SUPT16H: variants seen among roughly 807,000 people sequenced by gnomAD.
SUPT16H encodes FACT complex subunit SPT16.
SUPT16H carries 24 observed loss-of-function variants against 136.2 expected under a neutral mutation model. The ratio of observed to expected loss-of-function variants is 0.18; its 90% CI spans 0.13 to 0.25. The LOEUF (loss-of-function observed/expected upper bound fraction) is 0.25, where lower values mean the gene tolerates loss of function less well. Among genes scored for constraint, SUPT16H ranks in the 10% least tolerant of loss-of-function variants. The pLI is 1.00. For missense variants in SUPT16H, 623 were observed against 1,270.2 expected, an observed-to-expected ratio of 0.49 and a Z score of 7.74; for synonymous variants, 415 against 428.2, an observed-to-expected ratio of 0.97 and a Z score of 0.38.
chr14:21,369,387 TACTAGAGGGTAG>T (rs773843579), intron 5 of SUPT16H, 32 bp from the exon 6 acceptor site: 64 of 1,613,368 alleles, frequency 4.0e-5, no homozygotes, highest in Non-Finnish European at 5.2e-5. Context: ...AAGTAACACT[TACTAGAGGGTAG>T]CAAAGCGGGG....
Position 21,361,473 on chromosome 14 carries a change from T to C in SUPT16H, c.1794-260A>G, listed in dbSNP as rs902665270. The C allele has an allele frequency of 3.1e-5, 15 of 491,644 alleles. No individual in the cohort carries two copies. In the Admixed American group the frequency reaches 3.9e-4, roughly 13 times the overall value. 30.5% of individuals were successfully genotyped at this position (491,644 alleles called of 1,614,324 possible). ...CTGGGATTACAGGTACACACCACCA[T>C]GCCCGGCTAGTTTTTGTATTTTTAG... On this transcript the variant is annotated intron_variant, in intron 15 of 25. Transcript: ENST00000216297.
At chr14:21,359,163 T>C (rs1280091410) in intron 19 of SUPT16H, among the ~76,000 whole-genome samples, 1 of 151,832 alleles carries the variant, frequency 6.6e-6, no homozygotes, top group Non-Finnish European at 1.5e-5. Context: ...AGTGGCGCTA[T>C]CTCAGCTCAC....
intron 4 of SUPT16H, 71 bp from the exon 5 acceptor site, chr14:21,369,967 T>G (rs1886751187): frequency 1.3e-6 from 2 of 1,540,232 alleles, no homozygotes; most frequent in African/African-American, 2.7e-5. Context: ...CTCTCCAATT[T>G]GAATATTACC....
chr14:21,357,385 A>G lies in SUPT16H; in HGVS notation c.2491-19T>C, dbSNP rs200840762. Reference sequence around the variant, plus strand: ...AAGGTGGCTGTCAGGGAGAAACTGAATCATTAGCATATAAGTATTTCCCCC... The same window carrying G: ...AAGGTGGCTGTCAGGGAGAAACTGAGTCATTAGCATATAAGTATTTCCCCC... On this transcript the variant is annotated intron_variant, in intron 21 of 25. Coordinates refer to ENST00000216297, the MANE Select transcript of SUPT16H (RefSeq NM_007192.4). 204 of 1,557,632 alleles carry G rather than the reference A, an allele frequency of 1.3e-4. 2 individuals carry two copies. Among genetic ancestry groups the G allele is most frequent in the Middle Eastern group, 1.7e-4 (1 of 5,790 alleles).
rs1201352548 is a variant in SUPT16H, at chr14:21,369,355, T to C, written c.631A>G (p.Lys211Glu). Residue 211 changes from lysine (K) to glutamate (E), a missense_variant and splice_region_variant, in exon 6 of 26, where the codon AAA becomes GAA. This residue lies in a region of SUPT16H where 343 missense variants were observed against 525.7 expected (regional missense o/e 0.65). Transcript: ENST00000216297. ...RVMEIVDADE[K>E]VRHSKLAESV... ...TCAGCCAGTTTGCTGTGTCGAACTT[T>C]CTGTAAGAGCATCCAGAAATAAAGT... 1.2e-6 allele frequency: 2 copies of C among 1,613,964 alleles called. No homozygotes were observed. Among genetic ancestry groups the C allele is most frequent in the African/African-American group, 1.3e-5 (1 of 74,910 alleles).
chr14:21,356,569 C>T (rs148650457), intron 22 of SUPT16H, among the ~76,000 whole-genome samples: 63 of 152,022 alleles, frequency 4.1e-4, no homozygotes, highest in African/African-American at 1.4e-3. Flanking sequence ...CCTAGAATAA[C>T]CTCATCTCTA....
At chr14:21,374,273 A>G (rs1886852236) in intron 1 of SUPT16H, among the ~76,000 whole-genome samples, 2 of 152,264 alleles carry the variant, frequency 1.3e-5, no homozygotes, top group African/African-American at 4.8e-5. Context: ...ACTGGAAGCC[A>G]TGGTAGTTTT....
chr14:21,373,035 C>G (rs1189200278), intron 2 of SUPT16H, among the ~76,000 whole-genome samples: 1 of 152,154 alleles, frequency 6.6e-6, no homozygotes, highest in East Asian at 1.9e-4. Flanking sequence ...CCTCTACCTC[C>G]TGGGGTCATG....
intron 1 of SUPT16H, among the ~76,000 whole-genome samples, chr14:21,381,641 G>A (rs575233073): frequency 2.0e-5 from 3 of 151,286 alleles, no homozygotes; most frequent in South Asian, 2.1e-4. Context: ...TTTTAAAGAC[G>A]GGGTCTCATC....
chr14:21,371,851 A>T (rs545558779), intron 3 of SUPT16H, 23 bp downstream of exon 3: 1 of 1,611,432 alleles, frequency 6.2e-7, no homozygotes, highest in East Asian at 2.2e-5. Context: ...CACATTTATG[A>T]CACATTCTTT....
Position 21,352,429 on chromosome 14 carries a change from G to A in SUPT16H, c.*244C>T, listed in dbSNP as rs1213896818. 19 of 538,350 alleles carry A rather than the reference G, an allele frequency of 3.5e-5. No individual in the cohort carries two copies. Among genetic ancestry groups the A allele is most frequent in the South Asian group, 4.7e-5 (2 of 42,274 alleles). 33.3% of individuals were successfully genotyped at this position (538,350 alleles called of 1,614,324 possible). ...GAATGAAACAATATTTATTAACAGC[G>A]GGAGCCTCCTCCTGTCTTCAAGAAC... On this transcript the variant is annotated 3_prime_UTR_variant, in exon 26 of 26. Transcript: ENST00000216297.
intron 15 of SUPT16H, 42 bp downstream of exon 15, chr14:21,362,155 C>T: frequency 6.3e-7 from 1 of 1,597,718 alleles, no homozygotes; most frequent in African/African-American, 1.3e-5. Context: ...AGTACCACTC[C>T]AGACAAGATG....
At chr14:21,356,270 T>A (rs1183239793) in intron 22 of SUPT16H, among the ~76,000 whole-genome samples, 1 of 152,184 alleles carries the variant, frequency 6.6e-6, no homozygotes, top group East Asian at 1.9e-4. Flanking sequence ...TGGAACTGCA[T>A]AAAGAAGCAC....
Position 21,372,029 on chromosome 14 carries a change from A to T in SUPT16H, c.175T>A (p.Tyr59Asn). 6.2e-7 allele frequency: 1 copy of T among 1,612,898 alleles called. No homozygotes were observed. Among genetic ancestry groups the T allele is most frequent in the Non-Finnish European group, 8.5e-7 (1 of 1,179,696 alleles). ...STALQTWLFG[Y>N]ELTDTIMVFC... ...ACCATGATAGTATCAGTTAGTTCAT[A>T]ACCAAAGAGCCATGTCTATGGAAAA... Residue 59 changes from tyrosine to asparagine, a missense_variant, in exon 3 of 26, where the codon TAT becomes AAT. Coordinates refer to ENST00000216297, the MANE Select transcript of SUPT16H (RefSeq NM_007192.4).
At chr14:21,374,648 G>GT (rs1267650609) in intron 1 of SUPT16H, among the ~76,000 whole-genome samples, 1 of 152,158 alleles carries the variant, frequency 6.6e-6, no homozygotes, top group Non-Finnish European at 1.5e-5. Flanking sequence ...GTTGTGACAC[G>GT]TATCAACACT....
chr14:21,362,445 A>C (rs911427061), intron 14 of SUPT16H, 121 bp from the exon 15 acceptor site: 6 of 948,074 alleles, frequency 6.3e-6, no homozygotes, highest in Middle Eastern at 6.0e-4. Context: ...ATCTAAATCT[A>C]ATAAATTTAC....
At position 21,357,199 on chromosome 14, in the gene SUPT16H, C is replaced by T. The variant is rs768076031; in HGVS notation, c.2658G>A (p.Leu886=). ...AGACTGATGGCAGATTTACTTACTTCAACCATTCCTTGATGGGGTCAAGAG... is the reference window on the plus strand; with the variant it reads ...AGACTGATGGCAGATTTACTTACTTTAACCATTCCTTGATGGGGTCAAGAG... ...VASLDPIKEW[L]NSCDLKYTEG... The change falls in exon 22 of 26, where the codon TTG becomes TTA. Residue 886 remains leucine, a splice_region_variant and synonymous_variant. Transcript: ENST00000216297. 5.0e-5 allele frequency: 79 copies of T among 1,589,856 alleles called. No homozygotes were observed. Among genetic ancestry groups the T allele is most frequent in the Non-Finnish European group, 6.6e-5 (77 of 1,168,674 alleles).
In SUPT16H at chr14:21,352,533, C is replaced by T. The variant is rs1344286234; in HGVS notation, c.*140G>A. ...GGAATTCCCCGAGTAGATTGGTCCA[C>T]ACAAATGGCCCCCTAAACCCATAAA... On this transcript the variant is annotated 3_prime_UTR_variant, in exon 26 of 26. Coordinates refer to ENST00000216297, the MANE Select transcript of SUPT16H (RefSeq NM_007192.4). 6 of 1,389,540 alleles carry T rather than the reference C, an allele frequency of 4.3e-6. No homozygotes were observed. In the African/African-American group the frequency reaches 5.8e-5, roughly 13 times the overall value. 86.1% of individuals were successfully genotyped at this position (1,389,540 alleles called of 1,614,324 possible).
chr14:21,368,077 CTAAT>C (rs974665302), intron 7 of SUPT16H, among the ~76,000 whole-genome samples, 188 bp downstream of exon 7: 4 of 152,124 alleles, frequency 2.6e-5, no homozygotes, highest in African/African-American at 9.7e-5. Context: ...CTATGCCCAA[CTAAT>C]TGTTTCATTT....
Sources: allele counts gnomAD v4.1 joint callset (sites outside exome capture counted in the v4.1 genomes callset), GRCh38; gene constraint gnomAD v4.1.1; regional missense constraint gnomAD v4.1.1; transcripts MANE v1.5; gene names NCBI Gene and HGNC (gene_info 2026-07-23, HGNC 2026-07-21).